The following UGGT2 variants were observed in gnomAD, a reference collection of about 807,000 sequenced individuals.
UGGT2 encodes UDP-glucose glycoprotein glucosyltransferase 2, also known as UDP-glucose:glycoprotein glucosyltransferase 2.
In UGGT2, 180 loss-of-function variants were observed where a neutral mutation model predicts 192.1. The ratio of observed to expected loss-of-function variants is 0.94; its 90% CI spans 0.83 to 1.06. The LOEUF (loss-of-function observed/expected upper bound fraction) is 1.06, where lower values mean the gene tolerates loss of function less well. UGGT2 is among the 50% of genes least tolerant of loss of function. The probability of loss-of-function intolerance (pLI) is 0.00; values close to 1 mark genes in which losing one functional copy is unlikely to be tolerated. For missense variants in UGGT2, 1,849 were observed against 1,795.7 expected, an observed-to-expected ratio of 1.03 and a Z score of -0.54; for synonymous variants, 580 against 591.0, an observed-to-expected ratio of 0.98 and a Z score of 0.27.
At chr13:95,929,953 T>C (rs1470874047) in intron 17 of UGGT2, among the ~76,000 whole-genome samples, 1 of 152,226 alleles carries the variant, frequency 6.6e-6, no homozygotes, top group Non-Finnish European at 1.5e-5. Context: ...ATCTGTTGTT[T>C]GTTCACTTAA....
rs778858833 is a variant in UGGT2, at chr13:95,927,234, G to A, written c.2080C>T (p.Leu694Phe). The A allele has an allele frequency of 4.3e-6, 7 of 1,611,678 alleles. No individual in the cohort carries two copies. Among genetic ancestry groups the A allele is most frequent in the South Asian group, 1.1e-5 (1 of 90,916 alleles). The part of the protein sequence containing the change: ...TLILRTNQQY[L>F]NLISTSVTAD... ...TTACCTGATGTAGATATTAAATTGA[G>A]GTACTGCTGGTTAGTACGCAAAATC... The change falls in exon 18 of 39, where the codon CTC becomes TTC. Residue 694 changes from leucine (L) to phenylalanine (F), a missense_variant. By Grantham distance (22) the Leu-to-Phe change is conservative. Transcript: ENST00000376747.
At position 95,928,555 on chromosome 13, in the gene UGGT2, C is replaced by T. The variant is rs1308582159; in HGVS notation, c.1978-1219G>A. Among the ~76,000 whole-genome samples the T allele has an allele frequency of 7.3e-5, 11 of 151,620 alleles. 1 individual carries two copies. The highest frequency in any genetic ancestry group is 2.2e-4 in the African/African-American group (9 of 41,302). On this transcript the variant is annotated intron_variant, in intron 17 of 38. Transcript: ENST00000376747. ...GCAGAGACACTCCTCAGTTCCCAGA[C>T]GGGGTCGCGGCGGGGCAGAGGTGCT...
At chr13:95,845,049 T>C (rs1028540230) in intron 36 of UGGT2, among the ~76,000 whole-genome samples, 7 of 152,328 alleles carry the variant, frequency 4.6e-5, no homozygotes, top group Middle Eastern at 3.4e-3. Flanking sequence ...TAGCTGATCA[T>C]GTATATATAT....
chr13:95,986,313 AC>A lies in UGGT2; in HGVS notation c.1031+19del. The A allele has an allele frequency of 6.7e-7, 1 of 1,483,018 alleles. No individual in the cohort carries two copies. The highest frequency in any genetic ancestry group is 9.4e-7 in the Non-Finnish European group (1 of 1,069,242). The allele number at this position is 1,483,018 out of a possible 1,614,324, so 91.9% of individuals were successfully genotyped here. ...TAGAAAGAGTTATAGCTGCAATGAA[AC>A]CTATAAACTTTAACATACCTGGCTT... is the stretch of plus-strand genomic sequence containing the variant. On this transcript the variant is annotated intron_variant, in intron 9 of 38. Coordinates refer to ENST00000376747, the MANE Select transcript of UGGT2 (RefSeq NM_020121.4).
chr13:95,875,651 C>T (rs1251672347), intron 29 of UGGT2, among the ~76,000 whole-genome samples: 1 of 152,120 alleles, frequency 6.6e-6, no homozygotes, highest in East Asian at 1.9e-4. Context: ...CTAATAACTT[C>T]CTATTAATTC....
At chr13:95,912,210 C>T (rs1368605503) in intron 20 of UGGT2, among the ~76,000 whole-genome samples, 1 of 152,150 alleles carries the variant, frequency 6.6e-6, no homozygotes, top group Non-Finnish European at 1.5e-5. Context: ...CACTCCTATT[C>T]AACATAGTGT....
At chr13:95,803,144 T>C (rs1441640683) in intron 38 of UGGT2, among the ~76,000 whole-genome samples, 1 of 152,024 alleles carries the variant, frequency 6.6e-6, no homozygotes, top group Admixed American at 6.5e-5. Flanking sequence ...GATAGCCTGG[T>C]ATCTATTCTA....
intron 12 of UGGT2, among the ~76,000 whole-genome samples, chr13:95,955,732 C>G (rs1317321324): frequency 6.6e-6 from 1 of 152,086 alleles, no homozygotes; most frequent in African/African-American, 2.4e-5. Context: ...GTTTTCAAAG[C>G]GCTCAAACAG....
At position 95,903,044 on chromosome 13, in the gene UGGT2, C is replaced by T; in HGVS notation, c.2312G>A (p.Ser771Asn). ...ALKHMKTSVH[S>N]RLGIIYNPTS... ...AGGATTATAAATAATCCCCAACCGA[C>T]TATGAACACTTGTTTTCTGCAAACA... Residue 771 changes from serine (S) to asparagine (N), a missense_variant, in exon 21 of 39, where the codon AGT becomes AAT. Coordinates refer to ENST00000376747, the MANE Select transcript of UGGT2 (RefSeq NM_020121.4). The T allele has an allele frequency of 6.8e-6, 11 of 1,610,894 alleles. No individual in the cohort carries two copies. Among genetic ancestry groups the T allele is most frequent in the Non-Finnish European group, 9.3e-6 (11 of 1,179,140 alleles).
chr13:95,904,404 A>C (rs1295777526), intron 20 of UGGT2, among the ~76,000 whole-genome samples: 1 of 149,870 alleles, frequency 6.7e-6, no homozygotes, highest in Non-Finnish European at 1.5e-5. Flanking sequence ...TTAACTCGTC[A>C]TCTAGCATTA....
chr13:95,867,813 G>C (rs1004091430), intron 29 of UGGT2, among the ~76,000 whole-genome samples: 10 of 151,902 alleles, frequency 6.6e-5, no homozygotes, highest in Non-Finnish European at 1.3e-4. Context: ...TATTTCAAAG[G>C]AGTTCTACAC....
intron 36 of UGGT2, among the ~76,000 whole-genome samples, chr13:95,849,207 T>A (rs1888769397): frequency 6.6e-6 from 1 of 152,120 alleles, no homozygotes; most frequent in Non-Finnish European, 1.5e-5. Context: ...ATGTATATTA[T>A]AAACATAAGG....
intron 20 of UGGT2, among the ~76,000 whole-genome samples, chr13:95,904,427 A>C: frequency 6.9e-6 from 1 of 144,540 alleles, no homozygotes; most frequent in Non-Finnish European, 1.5e-5. Context: ...TATATCTCCT[A>C]ATGCTATCCC....
intron 4 of UGGT2, among the ~76,000 whole-genome samples, chr13:96,020,952 A>G (rs1291427194): frequency 6.6e-6 from 1 of 152,246 alleles, no homozygotes; most frequent in Non-Finnish European, 1.5e-5. Context: ...ACATAGAGCA[A>G]GCAGTATAAG....
chr13:95,947,815 C>T (rs891203959), intron 14 of UGGT2, among the ~76,000 whole-genome samples, 181 bp downstream of exon 14: 3 of 152,116 alleles, frequency 2.0e-5, no homozygotes, highest in Non-Finnish European at 4.4e-5. Flanking sequence ...CATTACCAGA[C>T]AGATTTGATA....
intron 38 of UGGT2, among the ~76,000 whole-genome samples, chr13:95,829,103 T>C (rs1886374296): frequency 6.6e-6 from 1 of 152,184 alleles, no homozygotes; most frequent in Admixed American, 6.5e-5. Context: ...GAAAAGGTCT[T>C]TGACAAAATT....
intron 4 of UGGT2, among the ~76,000 whole-genome samples, chr13:96,014,345 C>T (rs1284483457): frequency 6.6e-6 from 1 of 152,154 alleles, no homozygotes; most frequent in African/African-American, 2.4e-5. Context: ...GTATGAGTAA[C>T]ATTCCTACAG....
intron 27 of UGGT2, among the ~76,000 whole-genome samples, chr13:95,883,685 T>C (rs1036449548): frequency 3.3e-5 from 5 of 152,114 alleles, no homozygotes; most frequent in Non-Finnish European, 5.9e-5. Context: ...TCTGGAGGCC[T>C]CCCTAGCCAT....
chr13:95,974,996 G>A (rs1260725224), intron 10 of UGGT2, among the ~76,000 whole-genome samples: 7 of 152,060 alleles, frequency 4.6e-5, no homozygotes, highest in Non-Finnish European at 1.0e-4. Flanking sequence ...CAAGAGAATC[G>A]CTTCATCCCA....
Sources: allele counts gnomAD v4.1 joint callset (sites outside exome capture counted in the v4.1 genomes callset), GRCh38; gene constraint gnomAD v4.1.1; transcripts MANE v1.5; gene names NCBI Gene and HGNC (gene_info 2026-07-23, HGNC 2026-07-21).